Variants in TG observed in about 807,000 individuals in gnomAD.
TG encodes the protein thyroglobulin.
In TG, 270 loss-of-function variants were observed where a neutral mutation model predicts 324.7. The ratio of observed to expected loss-of-function variants is 0.83; its 90% confidence interval spans 0.75 to 0.92. The LOEUF is 0.92. TG is among the 40% of genes least tolerant of loss of function. The pLI is 0.00. For synonymous variants in TG, 1,401 were observed against 1,327.0 expected (o/e 1.06, Z -1.21); for missense variants, 3,591 against 3,456.4 (o/e 1.04, Z -0.98).
At chr8:132,957,381 T>C (rs1827042576) in intron 27 of TG, among the ~76,000 whole-genome samples, 1 of 152,146 alleles carries the variant, frequency 6.6e-6, no homozygotes, top group Admixed American at 6.5e-5. Flanking sequence ...GGACAGAGTG[T>C]ATAAGGTGTC....
intron 41 of TG, among the ~76,000 whole-genome samples, chr8:133,083,798 A>G (rs1163016484): frequency 6.6e-6 from 1 of 152,152 alleles, no homozygotes; most frequent in African/African-American, 2.4e-5. Context: ...TCACGGACTC[A>G]CATGTGCCCT....
Position 133,126,518 on chromosome 8 carries a change from A to G in TG, c.7863-5294A>G, listed in dbSNP as rs551703273. Reference sequence around the variant, plus strand: ...AGTCTACTGTGAAACAATATATCATACAGCTCTGCTGAGCTTTAGGAAGTT... The same window carrying G: ...AGTCTACTGTGAAACAATATATCATGCAGCTCTGCTGAGCTTTAGGAAGTT... On this transcript the variant is annotated intron_variant, in intron 45 of 47. Coordinates refer to ENST00000220616, the MANE Select transcript of TG (RefSeq NM_003235.5). Among the ~76,000 whole-genome samples, 5 of 141,140 alleles carry G rather than the reference A, an allele frequency of 3.5e-5. No homozygotes were observed. The South Asian group carries it at 1.1e-3, about 32-fold the overall frequency. 92.6% of individuals were successfully genotyped at this position (141,140 alleles called of 152,430 possible).
chr8:133,068,604 G>A, intron 41 of TG, among the ~76,000 whole-genome samples: 1 of 152,172 alleles, frequency 6.6e-6, no homozygotes, highest in South Asian at 2.1e-4. Context: ...GCAAGAGGAG[G>A]TGTTGAGGGC....
Position 133,134,700 on chromosome 8 carries a change from CAG to C in TG, c.8218_8219del (p.Ser2740Ter), listed in dbSNP as rs777421666. 1.8e-5 allele frequency: 29 copies of C among 1,613,934 alleles called. No homozygotes were observed. In the African/African-American group the frequency reaches 3.5e-4, roughly 19 times the overall value. The stretch of plus-strand genomic sequence containing the variant: ...GATGGAGCCAAGGGCGGGCAGTCAG[CAG>C]AGAGTGAAGAGGAGGAGTTGACGGC... On this transcript the variant is annotated frameshift_variant, in exon 48 of 48. Transcript: ENST00000220616. LOFTEE classifies it low-confidence loss of function (END_TRUNC).
At chr8:132,997,819 T>G (rs1404041804) in intron 35 of TG, among the ~76,000 whole-genome samples, 1 of 152,190 alleles carries the variant, frequency 6.6e-6, no homozygotes, top group Non-Finnish European at 1.5e-5. Context: ...CATGTTTAGG[T>G]CATAGATTAC....
chr8:133,024,375 T>TTTCC (rs1419609413), intron 40 of TG, among the ~76,000 whole-genome samples: 66 of 119,978 alleles, frequency 5.5e-4, no homozygotes, highest in African/African-American at 2.3e-3. Context: ...TCTTTCTTTC[T>TTTCC]TTCTTTCTTT....
intron 45 of TG, among the ~76,000 whole-genome samples, chr8:133,119,667 T>A (rs940946677): frequency 7.9e-5 from 12 of 152,104 alleles, no homozygotes; most frequent in Admixed American, 1.3e-4. Context: ...ACAAACACAC[T>A]GGGGATTCCA....
intron 34 of TG, among the ~76,000 whole-genome samples, chr8:132,980,466 C>A (rs1462410095): frequency 6.6e-6 from 1 of 152,030 alleles, no homozygotes; most frequent in Non-Finnish European, 1.5e-5. Context: ...CCCCCCCGGC[C>A]CTCTTGTCCT....
At chr8:133,115,645 C>T (rs545274928) in intron 44 of TG, among the ~76,000 whole-genome samples, 3 of 152,352 alleles carry the variant, frequency 2.0e-5, no homozygotes, top group South Asian at 4.1e-4. Flanking sequence ...GGCCCCACTT[C>T]TCAGCTGGGA....
intron 41 of TG, among the ~76,000 whole-genome samples, chr8:133,030,224 G>A (rs746330699): frequency 3.9e-5 from 6 of 152,118 alleles, no homozygotes; most frequent in African/African-American, 1.2e-4. Context: ...TTCCACTCAC[G>A]TCTGAAGTGC....
At chr8:132,933,212 G>T (rs1332886654) in intron 23 of TG, among the ~76,000 whole-genome samples, 2 of 55,502 alleles carry the variant, frequency 3.6e-5, no homozygotes, top group Non-Finnish European at 7.4e-5. Context: ...GTGTGTGTGT[G>T]TATTTGGAGG....
intron 41 of TG, among the ~76,000 whole-genome samples, chr8:133,064,867 T>G (rs529920952): frequency 2.2e-4 from 33 of 152,166 alleles, no homozygotes; most frequent in Non-Finnish European, 4.4e-4. Flanking sequence ...CTGGCCTTGC[T>G]GCTGGGAAGG....
At chr8:132,954,738 A>G (rs560392006) in intron 27 of TG, among the ~76,000 whole-genome samples, 2 of 152,312 alleles carry the variant, frequency 1.3e-5, no homozygotes, top group South Asian at 4.1e-4. Flanking sequence ...TAAGACCTGG[A>G]GAGAAATGGC....
At chr8:133,014,044 G>A (rs972524391) in intron 37 of TG, among the ~76,000 whole-genome samples, 3 of 152,210 alleles carry the variant, frequency 2.0e-5, no homozygotes, top group Non-Finnish European at 4.4e-5. Flanking sequence ...TTGTAGTTTA[G>A]AGAGTTCTTT....
intron 41 of TG, chr8:133,037,909 T>C (rs979216826): frequency 6.6e-6 from 1 of 152,590 alleles, no homozygotes; most frequent in African/African-American, 2.4e-5. Context: ...TCCACCCATA[T>C]GGCTTTGGTG....
intron 43 of TG, among the ~76,000 whole-genome samples, chr8:133,107,362 G>A (rs1398655780): frequency 6.6e-6 from 1 of 152,078 alleles, no homozygotes; most frequent in Non-Finnish European, 1.5e-5. Context: ...TGTGTTAATG[G>A]CAGTCCTTTA....
chr8:133,024,022 A>G (rs1835791094), intron 40 of TG, among the ~76,000 whole-genome samples: 1 of 152,226 alleles, frequency 6.6e-6, no homozygotes, highest in African/African-American at 2.4e-5. Context: ...GTCTGTCTTC[A>G]CCAGATATTT....
At chr8:132,945,612 GTGGATATGAA>G (rs1825138796) in intron 26 of TG, among the ~76,000 whole-genome samples, 1 of 152,176 alleles carries the variant, frequency 6.6e-6, no homozygotes, top group Admixed American at 6.5e-5. Context: ...TATCAAATGT[GTGGATATGAA>G]TGCAGTTTTC....
intron 22 of TG, among the ~76,000 whole-genome samples, chr8:132,925,552 T>TG (rs60544202): frequency 1.3e-5 from 2 of 151,366 alleles, no homozygotes; most frequent in South Asian, 2.1e-4. Context: ...TGTGTGTGTG[T>TG]TCTTGAATAA....
Sources: gnomAD v4.1 joint callset for allele counts (sites outside exome capture counted in the v4.1 genomes callset) on GRCh38, gnomAD v4.1.1 for gene constraint, MANE v1.5 for transcripts, NCBI Gene and HGNC (gene_info 2026-07-23, HGNC 2026-07-21) for gene names.